DPYD: variants seen among roughly 807,000 people sequenced by gnomAD.
DPYD encodes dihydropyrimidine dehydrogenase [NADP(+)].
Under a neutral mutation model 116.2 loss-of-function variants are expected in DPYD, and 109 were observed. That is an observed-to-expected ratio of 0.94 (90% CI 0.80 to 1.10). The LOEUF (loss-of-function observed/expected upper bound fraction) is 1.10. DPYD is among the 50% of genes least tolerant of loss of function. The pLI, the probability that DPYD is intolerant of heterozygous loss-of-function variation, is 0.00. For missense variants in DPYD, 1,302 were observed against 1,254.5 expected (o/e 1.04, Z -0.57); for synonymous variants, 440 against 432.0 (o/e 1.02, Z -0.23).
intron 3 of DPYD, among the ~76,000 whole-genome samples, chr1:97,820,394 T>G (rs951710870): frequency 3.3e-5 from 5 of 152,184 alleles, no homozygotes; most frequent in Admixed American, 6.5e-5. Flanking sequence ...TAGATTGCTA[T>G]TTATATTGCT....
chr1:97,247,958 A>G (rs1298977487), intron 18 of DPYD, among the ~76,000 whole-genome samples: 1 of 152,248 alleles, frequency 6.6e-6, no homozygotes, highest in African/African-American at 2.4e-5. Context: ...CCGATCTTAC[A>G]CAAACTCTTG....
At chr1:97,698,211 A>T (rs1661406207) in intron 6 of DPYD, among the ~76,000 whole-genome samples, 1 of 151,858 alleles carries the variant, frequency 6.6e-6, no homozygotes, top group African/African-American at 2.4e-5. Flanking sequence ...TTTCATGCCC[A>T]CACTAAAGGG....
At chr1:97,591,419 G>C (rs1343583373) in intron 10 of DPYD, among the ~76,000 whole-genome samples, 2 of 152,146 alleles carry the variant, frequency 1.3e-5, no homozygotes, top group Non-Finnish European at 2.9e-5. Flanking sequence ...TTGTATCTAA[G>C]TTGCCCAGAA....
intron 2 of DPYD, among the ~76,000 whole-genome samples, chr1:97,873,903 C>T (rs1470933035): frequency 2.6e-5 from 4 of 151,516 alleles, no homozygotes; most frequent in Admixed American, 2.0e-4. Flanking sequence ...CTTACATTCT[C>T]GTGGGGAGAA....
At chr1:97,370,817 G>A (rs184904415) in intron 16 of DPYD, among the ~76,000 whole-genome samples, 227 of 152,204 alleles carry the variant, frequency 1.5e-3, no homozygotes, top group Non-Finnish European at 2.0e-3. Context: ...TGACACAGAT[G>A]GCTGATGGAA....
At chr1:97,305,405 T>G in intron 17 of DPYD, 27 bp from the exon 18 acceptor site, 1 of 1,611,782 alleles carries the variant, frequency 6.2e-7, no homozygotes, top group Middle Eastern at 1.7e-4. Flanking sequence ...AACATTTTCA[T>G]GCAGCTCTTA....
chr1:97,689,932 C>T (rs965906088), intron 7 of DPYD, among the ~76,000 whole-genome samples: 1 of 152,004 alleles, frequency 6.6e-6, no homozygotes, highest in Non-Finnish European at 1.5e-5. Context: ...CTTAAAACAG[C>T]TTGAGAGATG....
At chr1:97,130,965 T>A (rs1175406670) in intron 20 of DPYD, among the ~76,000 whole-genome samples, 1 of 146,098 alleles carries the variant, frequency 6.8e-6, no homozygotes, top group Non-Finnish European at 1.5e-5. Flanking sequence ...AACTTCTGCA[T>A]GCCCAGTTAT....
chr1:97,882,833 A>G (rs1443033795), intron 2 of DPYD, among the ~76,000 whole-genome samples: 7 of 152,070 alleles, frequency 4.6e-5, no homozygotes, highest in Admixed American at 3.9e-4. Context: ...ATACCAGTGT[A>G]TCTATAGCTT....
At chr1:97,490,659 C>T (rs1008304087) in intron 13 of DPYD, among the ~76,000 whole-genome samples, 1 of 151,002 alleles carries the variant, frequency 6.6e-6, no homozygotes, top group African/African-American at 2.4e-5. Flanking sequence ...GGGCCCCCAC[C>T]AGAAGGTGAA....
chr1:97,295,642 G>T, intron 18 of DPYD: 1 of 365,266 alleles, frequency 2.7e-6, no homozygotes, highest in Non-Finnish European at 3.8e-6. Context: ...TGTTGCTCAG[G>T]CTAGTCTCAA....
At chr1:97,221,823 T>C (rs1416237078) in intron 19 of DPYD, among the ~76,000 whole-genome samples, 2 of 152,066 alleles carry the variant, frequency 1.3e-5, no homozygotes, top group South Asian at 2.1e-4. Context: ...CCTAATTCAC[T>C]CAACAACCAA....
At chr1:97,092,606 T>G (rs2056048) in intron 21 of DPYD, among the ~76,000 whole-genome samples, 68,282 of 151,838 alleles carry the variant, frequency 0.45, 16,912 homozygotes, top group East Asian at 0.97. Context: ...ATGTGCAGCT[T>G]CTATCTTGGG....
At chr1:97,420,405 C>T (rs528846591) in intron 14 of DPYD, among the ~76,000 whole-genome samples, 3 of 152,208 alleles carry the variant, frequency 2.0e-5, no homozygotes, top group Non-Finnish European at 2.9e-5. Context: ...TTTTACCTTG[C>T]CATGTTCATT....
chr1:97,868,171 A>C (rs1381350296), intron 2 of DPYD, among the ~76,000 whole-genome samples: 1 of 151,866 alleles, frequency 6.6e-6, no homozygotes, highest in African/African-American at 2.4e-5. Flanking sequence ...CAAGGAGTTA[A>C]ACTATTTATA....
intron 19 of DPYD, among the ~76,000 whole-genome samples, chr1:97,226,067 G>T (rs1661133896): frequency 6.6e-6 from 1 of 152,124 alleles, no homozygotes; most frequent in Admixed American, 6.6e-5. Context: ...TCATCTTAGA[G>T]ATGTGAGAAT....
At chr1:97,819,449 C>T (rs564062414) in intron 3 of DPYD, among the ~76,000 whole-genome samples, 2 of 151,914 alleles carry the variant, frequency 1.3e-5, no homozygotes, top group East Asian at 3.9e-4. Flanking sequence ...TGTTTTTCAA[C>T]ACTTTGAAAA....
At chr1:97,158,373 T>C (rs1655640945) in intron 20 of DPYD, among the ~76,000 whole-genome samples, 1 of 151,836 alleles carries the variant, frequency 6.6e-6, no homozygotes, top group Non-Finnish European at 1.5e-5. Context: ...TCTAGAAGGA[T>C]TCTTCATATT....
At chr1:97,920,418 G>A (rs569269917) in intron 1 of DPYD, among the ~76,000 whole-genome samples, 35 of 152,262 alleles carry the variant, frequency 2.3e-4, no homozygotes, top group African/African-American at 8.2e-4. Flanking sequence ...ACACACAGAT[G>A]TTTTATTTCT....
Sources: gnomAD v4.1 joint callset for allele counts (sites outside exome capture counted in the v4.1 genomes callset) on GRCh38, gnomAD v4.1.1 for gene constraint, MANE v1.5 for transcripts, NCBI Gene and HGNC (gene_info 2026-07-23, HGNC 2026-07-21) for gene names.